Variants in TBX1 observed in about 807,000 individuals in gnomAD.
TBX1 encodes the protein T-box transcription factor 1.
A neutral mutation model predicts 40.8 loss-of-function variants in TBX1; 16 were observed. The observed-to-expected ratio is 0.39, with a 90% CI of 0.27 to 0.60. TBX1 has a LOEUF of 0.60. Ranked by LOEUF, TBX1 falls within the 20% of genes least tolerant of loss-of-function variation. The probability of loss-of-function intolerance (pLI) is 0.51; values close to 1 mark genes in which losing one functional copy is unlikely to be tolerated. For missense variants in TBX1, 755 were observed against 728.5 expected (o/e 1.04, Z -0.42); for synonymous variants, 403 against 336.8 (o/e 1.20, Z -2.15).
chr22:19,777,085 T>TATAA (rs1937077238), intron 8 of TBX1, among the ~76,000 whole-genome samples: 1 of 151,608 alleles, frequency 6.6e-6, no homozygotes, highest in African/African-American at 2.4e-5. Context: ...ATTATTATAC[T>TATAA]GTTTTAGGGT....
upstream of TBX1, chr22:19,759,592 A>G (rs1601279830): frequency 6.2e-7 from 1 of 1,605,868 alleles, no homozygotes; most frequent in Non-Finnish European, 8.5e-7. Context: ...ACCAGGGCTC[A>G]GGGTCCTCCG....
At chr22:19,773,908 A>G (rs975881286) in intron 8 of TBX1, among the ~76,000 whole-genome samples, 9 of 152,192 alleles carry the variant, frequency 5.9e-5, no homozygotes, top group African/African-American at 1.7e-4. Context: ...GAGGTTTCCC[A>G]CGACTGGAGG....
downstream of TBX1, among the ~76,000 whole-genome samples, chr22:19,768,663 C>T (rs1483091714): frequency 2.0e-5 from 3 of 152,206 alleles, no homozygotes; most frequent in Admixed American, 6.5e-5. Context: ...CCCTCTCTTG[C>T]TGTCAGAAGG....
chr22:19,768,741 T>C (rs903278888), downstream of TBX1, among the ~76,000 whole-genome samples: 1 of 152,162 alleles, frequency 6.6e-6, no homozygotes, highest in Non-Finnish European at 1.5e-5. Context: ...GCCTTGGTTT[T>C]GTTCAGAGCT....
chr22:19,771,304 G>C (rs1014679617), downstream of TBX1, among the ~76,000 whole-genome samples: 3 of 152,160 alleles, frequency 2.0e-5, no homozygotes, highest in African/African-American at 7.2e-5. Context: ...ACATTTTCTG[G>C]ATTTCAAAAA....
downstream of TBX1, among the ~76,000 whole-genome samples, chr22:19,770,317 T>G (rs1390703368): frequency 1.3e-5 from 2 of 152,224 alleles, no homozygotes; most frequent in African/African-American, 4.8e-5. Context: ...TTCACACCAC[T>G]GCATCCCACG....
rs72646971 is a variant in TBX1, at chr22:19,767,268, A to G, written c.*401A>G. ...GCCTGCAGGCGGTGTAGATACATGT[A>G]GATACTGTAGATACTGTAGATACCG... On this transcript the variant is annotated 3_prime_UTR_variant, in exon 7 of 7. Transcript: ENST00000649276. 9.9e-4 allele frequency: 989 copies of G among 1,002,266 alleles called. 8 individuals carry two copies. In the African/African-American group the frequency reaches 0.013, roughly 13 times the overall value. 62.1% of individuals were successfully genotyped at this position (1,002,266 alleles called of 1,614,324 possible). A position where few individuals can be genotyped will look rare whatever the true frequency, so the allele number is the denominator to read the frequency against.
downstream of TBX1, among the ~76,000 whole-genome samples, chr22:19,780,533 G>A (rs1468679394): frequency 6.6e-6 from 1 of 152,160 alleles, no homozygotes; most frequent in African/African-American, 2.4e-5. Context: ...GGACACTTGG[G>A]TTGCTCCCAC....
intron 4 of TBX1, 32 bp downstream of exon 4, chr22:19,765,145 T>A (rs1480752484): frequency 6.8e-6 from 11 of 1,613,972 alleles, no homozygotes; most frequent in Non-Finnish European, 8.5e-6. Context: ...CTGAGCGGAT[T>A]CAACGCCTCT....
exon 9 of TBX1, chr22:19,779,273 C>G: frequency 1.2e-6 from 2 of 1,614,218 alleles, no homozygotes; most frequent in Non-Finnish European, 1.7e-6. Flanking sequence ...TAGGAACACA[C>G]CAGAGAGAGA....
At chr22:19,765,868 G>A (rs1419085217) in intron 5 of TBX1, 34 bp from the exon 6 acceptor site, 5 of 1,563,018 alleles carry the variant, frequency 3.2e-6, no homozygotes, top group Non-Finnish European at 3.5e-6. Flanking sequence ...GGCGCCTGGC[G>A]CAGGCGCCGC....
chr22:19,768,347 T>C (rs1389779895), downstream of TBX1, among the ~76,000 whole-genome samples: 1 of 152,176 alleles, frequency 6.6e-6, no homozygotes, highest in African/African-American at 2.4e-5. Context: ...TTCGTATACA[T>C]GTTTGCTCTG....
intron 1 of TBX1, 29 bp downstream of exon 1, chr22:19,761,309 C>A (rs750359818): frequency 1.3e-6 from 2 of 1,525,578 alleles, no homozygotes; most frequent in South Asian, 2.4e-5. Flanking sequence ...ACGCCGCGAC[C>A]CTCCCCACGT....
At chr22:19,769,460 C>T (rs1023851268), downstream of TBX1, among the ~76,000 whole-genome samples, 1 of 152,232 alleles carries the variant, frequency 6.6e-6, no homozygotes, top group Admixed American at 6.5e-5. Flanking sequence ...CTGAGAACTT[C>T]TTGTAAATGA....
At chr22:19,760,359 G>A (rs900072503), upstream of TBX1, among the ~76,000 whole-genome samples, 3 of 149,658 alleles carry the variant, frequency 2.0e-5, no homozygotes, top group African/African-American at 4.9e-5. Flanking sequence ...GAGGCGGAAA[G>A]TAAAACAGAA....
chr22:19,765,734 T>G (rs761402868), intron 4 of TBX1, 24 bp from the exon 5 acceptor site: 8 of 1,610,944 alleles, frequency 5.0e-6, no homozygotes, highest in Non-Finnish European at 6.8e-6. Flanking sequence ...CTCCAGCGGC[T>G]TGCTCACACC....
At chr22:19,776,357 G>A (rs1937065167) in intron 8 of TBX1, among the ~76,000 whole-genome samples, 1 of 152,216 alleles carries the variant, frequency 6.6e-6, no homozygotes. Context: ...CCTCACTGGG[G>A]GTGGGAGGGT....
chr22:19,774,907 A>G (rs1937042499), intron 8 of TBX1, among the ~76,000 whole-genome samples: 1 of 144,276 alleles, frequency 6.9e-6, no homozygotes, highest in African/African-American at 2.6e-5. Context: ...GGAATACACA[A>G]TGCCACTGAA....
In TBX1 at chr22:19,761,214, A is replaced by G; in HGVS notation, c.371A>G (p.Glu124Gly). 1 of 1,568,584 alleles carries G rather than the reference A, an allele frequency of 6.4e-7. No homozygotes were observed. Among genetic ancestry groups the G allele is most frequent in the Non-Finnish European group, 8.7e-7 (1 of 1,156,026 alleles). Residue 124 changes from glutamate (E) to glycine (G), a missense_variant, in exon 1 of 7, where the codon GAG (glutamate) becomes GGG (glycine). Coordinates refer to ENST00000649276, the MANE Select transcript of TBX1 (RefSeq NM_001379200.1). ...GTGGCCGGTGTGAGCGTGCAGCTAG[A>G]GATGAAGGCGCTGTGGGACGAGTTC... ...AKVAGVSVQL[E>G]MKALWDEFNQ...
Sources: allele counts gnomAD v4.1 joint callset (sites outside exome capture counted in the v4.1 genomes callset), GRCh38; gene constraint gnomAD v4.1.1; transcripts MANE v1.5; gene names NCBI Gene and HGNC (gene_info 2026-07-23, HGNC 2026-07-21).